PKP4: variants seen among roughly 807,000 people sequenced by gnomAD.
PKP4 encodes plakophilin 4.
Under a neutral mutation model 145.1 loss-of-function variants are expected in PKP4, and 90 were observed. The observed-to-expected ratio is 0.62, with a 90% confidence interval of 0.52 to 0.74. The LOEUF (loss-of-function observed/expected upper bound fraction) is 0.74, where lower values mean the gene tolerates loss of function less well. Ranked by LOEUF, PKP4 falls within the 30% of genes least tolerant of loss-of-function variation. The pLI, the probability that PKP4 is intolerant of heterozygous loss-of-function variation, is 0.00. For synonymous variants in PKP4, 563 were observed against 577.2 expected (o/e 0.98, Z 0.35); for missense variants, 1,340 against 1,482.7 (o/e 0.90, Z 1.58).
At chr2:158,654,912 A>T (rs1379157534) in intron 11 of PKP4, among the ~76,000 whole-genome samples, 3 of 152,224 alleles carry the variant, frequency 2.0e-5, no homozygotes, top group African/African-American at 4.8e-5. Flanking sequence ...CACAACATAT[A>T]TATAAAAGGA....
chr2:158,631,304 A>G (rs906557466), intron 7 of PKP4, among the ~76,000 whole-genome samples: 1 of 152,094 alleles, frequency 6.6e-6, no homozygotes, highest in Non-Finnish European at 1.5e-5. Flanking sequence ...TCTTTGGTAA[A>G]ACTTACTAGT....
intron 1 of PKP4, among the ~76,000 whole-genome samples, chr2:158,513,253 T>A (rs990898001): frequency 2.0e-5 from 3 of 152,172 alleles, no homozygotes; most frequent in South Asian, 2.1e-4. Flanking sequence ...TCCGGTCTTA[T>A]CCTCATTTTA....
chr2:158,506,579 C>T (rs1247485945), intron 1 of PKP4, among the ~76,000 whole-genome samples: 2 of 152,176 alleles, frequency 1.3e-5, no homozygotes, highest in South Asian at 4.1e-4. Flanking sequence ...GTATTTGGTA[C>T]AAGGGCTTCT....
chr2:158,584,732 TG>T (rs1395147163), intron 3 of PKP4, among the ~76,000 whole-genome samples: 44 of 152,338 alleles, frequency 2.9e-4, no homozygotes, highest in South Asian at 1.4e-3. Flanking sequence ...AAATGAAATA[TG>T]ATCATCTTAG....
intron 2 of PKP4, among the ~76,000 whole-genome samples, chr2:158,569,262 C>T (rs2047238270): frequency 6.6e-6 from 1 of 152,108 alleles, no homozygotes; most frequent in Non-Finnish European, 1.5e-5. Flanking sequence ...TTGGTTTATT[C>T]CTGTTTTGGT....
intron 2 of PKP4, among the ~76,000 whole-genome samples, chr2:158,534,327 T>C (rs1488677302): frequency 1.3e-5 from 2 of 152,232 alleles, no homozygotes; most frequent in Non-Finnish European, 2.9e-5. Context: ...ACGTTAGAAC[T>C]GTGTTTTCAA....
At chr2:158,518,478 G>A (rs941120159) in intron 1 of PKP4, among the ~76,000 whole-genome samples, 1 of 152,158 alleles carries the variant, frequency 6.6e-6, no homozygotes, top group Non-Finnish European at 1.5e-5. Context: ...TGGAGTTACT[G>A]TCTACATATT....
At chr2:158,619,417 G>A (rs914894133) in intron 4 of PKP4, among the ~76,000 whole-genome samples, 2 of 152,098 alleles carry the variant, frequency 1.3e-5, no homozygotes, top group Admixed American at 6.6e-5. Flanking sequence ...GAGACAGGTC[G>A]GTAAAAACCT....
chr2:158,621,335 G>A lies in PKP4; in HGVS notation c.517G>A (p.Asp173Asn). Residue 173 changes from aspartate (D) to asparagine (N), a missense_variant, in exon 6 of 22, where the codon GAC becomes AAC. Coordinates refer to ENST00000389759, the MANE Select transcript of PKP4 (RefSeq NM_003628.6). ...FHNSQNVSKA[D>N]NRQQHSFIGS... ...CAACAGCCAGAACGTGAGCAAGGCAGACAACAGACAGCAGCATTCATTCAT... is the reference window on the plus strand; with the variant it reads ...CAACAGCCAGAACGTGAGCAAGGCAAACAACAGACAGCAGCATTCATTCAT... The A allele has an allele frequency of 1.2e-6, 2 of 1,614,196 alleles. No individual in the cohort carries two copies. The highest frequency in any genetic ancestry group is 1.1e-5 in the South Asian group (1 of 91,082).
chr2:158,550,927 A>G (rs1241052253), intron 2 of PKP4, among the ~76,000 whole-genome samples: 1 of 152,254 alleles, frequency 6.6e-6, no homozygotes, highest in Non-Finnish European at 1.5e-5. Context: ...AAAGATACAC[A>G]TAACAGAGAA....
intron 1 of PKP4, among the ~76,000 whole-genome samples, chr2:158,492,708 C>G (rs938359309): frequency 8.5e-5 from 13 of 152,186 alleles, no homozygotes; most frequent in Non-Finnish European, 1.8e-4. Flanking sequence ...CTGACTCTTA[C>G]TACTTAAGTT....
chr2:158,579,544 T>A (rs1441001043), intron 3 of PKP4, among the ~76,000 whole-genome samples: 3 of 151,750 alleles, frequency 2.0e-5, no homozygotes, highest in Non-Finnish European at 4.4e-5. Flanking sequence ...GTCCAAGAAC[T>A]GGATACCATT....
rs1237151532 is a variant in PKP4 at position 158,669,935 on chromosome 2, G to T, written c.2924+20G>T. 1 of 1,581,534 alleles carries T rather than the reference G, an allele frequency of 6.3e-7. No individual in the cohort carries two copies. The highest frequency in any genetic ancestry group is 1.7e-5 in the Admixed American group (1 of 57,992). On this transcript the variant is annotated intron_variant, in intron 17 of 21. Coordinates refer to ENST00000389759, the MANE Select transcript of PKP4 (RefSeq NM_003628.6). ...CGACAGGCAAGTCTGCGGCAAGGAG[G>T]TGCAAGCAGTGCTCTTATTCCTGAG...
chr2:158,676,633 A>G (rs541134783), intron 19 of PKP4, 106 bp from the exon 20 acceptor site: 34 of 1,347,202 alleles, frequency 2.5e-5, no homozygotes, highest in Non-Finnish European at 3.2e-5. Flanking sequence ...GCTGTGTGTC[A>G]TTTCTAGTTA....
intron 11 of PKP4, among the ~76,000 whole-genome samples, chr2:158,644,591 C>A (rs1406579525): frequency 6.6e-6 from 1 of 150,884 alleles, no homozygotes; most frequent in African/African-American, 2.4e-5. Flanking sequence ...ATAACAGATA[C>A]ATGCAGCTTT....
intron 1 of PKP4, among the ~76,000 whole-genome samples, chr2:158,530,321 CCTT>C (rs574822472): frequency 2.0e-4 from 30 of 152,084 alleles, no homozygotes; most frequent in Non-Finnish European, 4.0e-4. Flanking sequence ...GCATTTTCCT[CCTT>C]CCAGTTTTCT....
intron 1 of PKP4, among the ~76,000 whole-genome samples, chr2:158,511,705 T>G (rs1330887708): frequency 6.6e-6 from 1 of 152,224 alleles, no homozygotes; most frequent in Admixed American, 6.5e-5. Context: ...GAATAAATTT[T>G]CAAAATTAAA....
rs116827325 is a variant in PKP4 at position 158,551,380 on chromosome 2, G to T, written c.132+18064G>T. ...AAGTGGGGGTGCCAGTTGCTAGACT[G>T]TGAAGCGATTCCCAAGGTAATTGAT... On this transcript the variant is annotated intron_variant, in intron 2 of 21. Coordinates refer to ENST00000389759, the MANE Select transcript of PKP4 (RefSeq NM_003628.6). 7.1e-3 allele frequency among the ~76,000 whole-genome samples: 1,083 copies of T among 152,300 alleles called. 14 individuals carry two copies. The highest frequency in any genetic ancestry group is 0.025 in the African/African-American group (1,031 of 41,570).
chr2:158,535,674 C>A (rs1276981768), intron 2 of PKP4, among the ~76,000 whole-genome samples: 1 of 152,136 alleles, frequency 6.6e-6, no homozygotes, highest in Non-Finnish European at 1.5e-5. Context: ...CCTGCCTCAG[C>A]CTCTCTAAAG....
Sources: gnomAD v4.1 joint callset for allele counts (sites outside exome capture counted in the v4.1 genomes callset) on GRCh38, gnomAD v4.1.1 for gene constraint, MANE v1.5 for transcripts, NCBI Gene and HGNC (gene_info 2026-07-23, HGNC 2026-07-21) for gene names.